The following RRP1 variants were observed in gnomAD, a reference collection of about 807,000 sequenced individuals.
RRP1 encodes ribosomal RNA processing 1, also known as ribosomal RNA processing protein 1 homolog A.
RRP1 carries 37 observed loss-of-function variants against 54.6 expected under a neutral mutation model. The observed-to-expected ratio is 0.68, with a 90% CI of 0.52 to 0.89. The LOEUF (loss-of-function observed/expected upper bound fraction) is 0.89. Ranked by LOEUF, RRP1 falls within the 40% of genes least tolerant of loss-of-function variation. The probability of loss-of-function intolerance (pLI) is 0.00; values close to 1 mark genes in which losing one functional copy is unlikely to be tolerated. For synonymous variants in RRP1, 262 were observed against 244.3 expected, an observed-to-expected ratio of 1.07 and a Z score of -0.67; for missense variants, 639 against 612.5, an observed-to-expected ratio of 1.04 and a Z score of -0.46.
intron 10 of RRP1, 59 bp downstream of exon 10, chr21:43,800,673 C>A: frequency 6.4e-7 from 1 of 1,574,282 alleles, no homozygotes; most frequent in South Asian, 1.1e-5. Context: ...CTTTCTTGCT[C>A]AGATCTGGGT....
chr21:43,803,834 A>T lies in RRP1; in HGVS notation c.*60A>T. 6.7e-7 allele frequency: 1 copy of T among 1,487,546 alleles called. No individual in the cohort carries two copies. The highest frequency in any genetic ancestry group is 9.0e-7 in the Non-Finnish European group (1 of 1,112,594). The allele number at this position is 1,487,546 out of a possible 1,614,324, so 92.1% of individuals were successfully genotyped here. A position where few individuals can be genotyped will look rare whatever the true frequency, so the allele number is the denominator to read the frequency against. ...CAGGCCTCGCTTGCACCGCGGGACG[A>T]GGCTGACCGGGCTGTTCTGTAGACT... On this transcript the variant is annotated 3_prime_UTR_variant, in exon 13 of 13. Transcript: ENST00000497547.
In RRP1 at chr21:43,800,280, C is replaced by G. The variant is rs558997114; in HGVS notation, c.892-237C>G. 1.2e-4 allele frequency among the ~76,000 whole-genome samples: 18 copies of G among 152,210 alleles called. No homozygotes were observed. The South Asian group carries it at 3.3e-3, about 28-fold the overall frequency. On this transcript the variant is annotated intron_variant, in intron 9 of 12. Coordinates refer to ENST00000497547, the MANE Select transcript of RRP1 (RefSeq NM_003683.6). ...CAGTGTGCCCCGCAGTGTGCATCTT[C>G]CAGAGTGTGCCCCGCAGTGCGTGCC...
Position 43,789,738 on chromosome 21 carries a change from G to C in RRP1, c.109G>C (p.Val37Leu), listed in dbSNP as rs1421965956. ...GGTGAGGAAGCTCCGGAAATACATC[G>C]TCGCCAGGACTCAGCGGGCCGCAGG... ...RAVRKLRKYI[V>L]ARTQRAAGGF... Residue 37 changes from valine (V) to leucine (L), a missense_variant, in exon 1 of 13, where the codon GTC (valine) becomes CTC (leucine). Coordinates refer to ENST00000497547, the MANE Select transcript of RRP1 (RefSeq NM_003683.6). 2.0e-6 allele frequency: 3 copies of C among 1,536,588 alleles called. No homozygotes were observed. The highest frequency in any genetic ancestry group is 2.6e-6 in the Non-Finnish European group (3 of 1,141,106).
intron 4 of RRP1, 105 bp from the exon 5 acceptor site, chr21:43,795,084 C>A: frequency 8.9e-7 from 1 of 1,119,876 alleles, no homozygotes; most frequent in Non-Finnish European, 1.4e-6. Context: ...CAGAGGTCAC[C>A]ACGGCCATGA....
In RRP1 at chr21:43,803,701, G is replaced by C. The variant is rs763607317; in HGVS notation, c.1313G>C (p.Arg438Pro). Reference sequence around the variant, plus strand: ...GCTCGCCAGAGAAGGAGGACACCTCGGCCCCTGACCAGTGCCCGAGCAAAG... The same window carrying C: ...GCTCGCCAGAGAAGGAGGACACCTCCGCCCCTGACCAGTGCCCGAGCAAAG... ...RGARQRRRTPRPLTSARAKAA... is the reference protein window; with the variant it reads ...RGARQRRRTPPPLTSARAKAA... The change falls in exon 13 of 13, where the codon CGG becomes CCG. Residue 438 changes from arginine to proline, a missense_variant. Transcript: ENST00000497547. 2.6e-6 allele frequency: 4 copies of C among 1,556,050 alleles called. No homozygotes were observed. The highest frequency in any genetic ancestry group is 3.5e-6 in the Non-Finnish European group (4 of 1,150,278).
rs1327278262 is a variant in RRP1, at chr21:43,789,690, G to A, written c.61G>A (p.Glu21Lys). Residue 21 changes from glutamate (E) to lysine (K), a missense_variant, in exon 1 of 13, where the codon GAG becomes AAG. Physicochemically the swap from Glu to Lys is moderately conservative, Grantham distance 56 (BLOSUM62 1). Coordinates refer to ENST00000497547, the MANE Select transcript of RRP1 (RefSeq NM_003683.6). ...IQLAQRLAGN[E>K]QVTRDRAVRK... ...GCTGGCTCAGCGCCTGGCGGGGAATGAGCAGGTGACCCGGGACCGGGCGGT... is the reference window on the plus strand; with the variant it reads ...GCTGGCTCAGCGCCTGGCGGGGAATAAGCAGGTGACCCGGGACCGGGCGGT... The A allele has an allele frequency of 4.5e-6, 7 of 1,565,502 alleles. No homozygotes were observed. The highest frequency in any genetic ancestry group is 6.1e-6 in the Non-Finnish European group (7 of 1,156,556).
At chr21:43,797,260 T>G in intron 5 of RRP1, 162 bp from the exon 6 acceptor site, 4 of 1,231,452 alleles carry the variant, frequency 3.2e-6, no homozygotes, top group Non-Finnish European at 3.3e-6. Flanking sequence ...CCTAGGATCG[T>G]TGATATCATC....
chr21:43,795,327 C>A, intron 5 of RRP1, 77 bp downstream of exon 5: 1 of 1,394,642 alleles, frequency 7.2e-7, no homozygotes, highest in Non-Finnish European at 1.0e-6. Context: ...TGATTCTTTG[C>A]CATAAGGAGA....
intron 2 of RRP1, among the ~76,000 whole-genome samples, chr21:43,792,237 C>T (rs147097502): frequency 2.0e-5 from 3 of 152,300 alleles, no homozygotes; most frequent in East Asian, 1.9e-4. Context: ...GTATTCTGGG[C>T]GATGGCTGGC....
intron 4 of RRP1, among the ~76,000 whole-genome samples, chr21:43,794,893 A>G (rs1392224865): frequency 1.3e-5 from 2 of 152,038 alleles, no homozygotes; most frequent in Non-Finnish European, 2.9e-5. Flanking sequence ...CGGTTTATGG[A>G]CTGGAGTCGT....
Position 43,800,876 on chromosome 21 carries a change from C to G in RRP1, c.1004C>G (p.Ala335Gly). Reference sequence around the variant, plus strand: ...TACTCTTTCAGGCTGCAGGACCTGGCAGGAGGTGAGGATCGGCCGGGCACT... The same window carrying G: ...TACTCTTTCAGGCTGCAGGACCTGGGAGGAGGTGAGGATCGGCCGGGCACT... ...YKVIRKLQDL[A>G]GGIFPEDEIP... The change falls in exon 11 of 13, where the codon GCA becomes GGA. Residue 335 changes from alanine (A) to glycine (G), a missense_variant. Transcript: ENST00000497547. The G allele has an allele frequency of 6.2e-7, 1 of 1,613,778 alleles. No homozygotes were observed. Among genetic ancestry groups the G allele is most frequent in the Non-Finnish European group, 8.5e-7 (1 of 1,180,028 alleles).
At position 43,797,639 on chromosome 21, in the gene RRP1, A is replaced by G; in HGVS notation, c.561A>G (p.Ala187=). 1 of 1,614,208 alleles carries G rather than the reference A, an allele frequency of 6.2e-7. No individual in the cohort carries two copies. The highest frequency in any genetic ancestry group is 8.5e-7 in the Non-Finnish European group (1 of 1,180,042). The stretch of plus-strand genomic sequence containing the variant: ...GCTGGCTTTCCCCGTAGCTTACGGC[A>G]GACCAGAACCTGAAGTTCATCGACC... The part of the protein sequence containing the change: ...LTKVGAEELT[A]DQNLKFIDPF... Residue 187 remains alanine, a synonymous_variant, in exon 7 of 13, where the codon GCA becomes GCG. Transcript: ENST00000497547.
At chr21:43,800,485 C>T (rs755665652) in intron 9 of RRP1, 32 bp from the exon 10 acceptor site, 2 of 1,607,280 alleles carry the variant, frequency 1.2e-6, no homozygotes, top group Non-Finnish European at 1.7e-6. Flanking sequence ...CGTGGCTGAC[C>T]TTGCCTCTGT....
In RRP1 at chr21:43,803,661, C is replaced by T. The variant is rs957955295; in HGVS notation, c.1273C>T (p.Arg425Cys). 26 of 1,551,654 alleles carry T rather than the reference C, an allele frequency of 1.7e-5. No homozygotes were observed. The highest frequency in any genetic ancestry group is 1.2e-4 in the East Asian group (5 of 41,108). The part of the protein sequence containing the change: ...RALLRDQPRG[R>C]GQRGARQRRR... ...CCTGCTCCGAGATCAGCCCAGGGGC[C>T]GTGGCCAGAGAGGGGCTCGCCAGAG... The change falls in exon 13 of 13, where the codon CGT becomes TGT. Residue 425 changes from arginine to cysteine, a missense_variant. Transcript: ENST00000497547.
chr21:43,790,932 C>T lies in RRP1; in HGVS notation c.134-418C>T, dbSNP rs1271120986. ...CTCTCGTAGTCTGAATGCCTGAGTT[C>T]ACTTTCTTCTTTTAGTATTTGAGAT... On this transcript the variant is annotated intron_variant, in intron 1 of 12. Coordinates refer to ENST00000497547, the MANE Select transcript of RRP1 (RefSeq NM_003683.6). 35 of 449,176 alleles carry T rather than the reference C, an allele frequency of 7.8e-5. No homozygotes were observed. In the East Asian group the frequency reaches 2.4e-3, roughly 31 times the overall value. 27.8% of individuals were successfully genotyped at this position (449,176 alleles called of 1,614,324 possible).
In RRP1 at chr21:43,789,602, G is replaced by C; in HGVS notation, c.-28G>C. ...AGTGTGCTGGGTACCAGGCGACTCC[G>C]GGACAGGGGGTCTCGGCCGTCGGCG... On this transcript the variant is annotated 5_prime_UTR_variant, in exon 1 of 13. Transcript: ENST00000497547. 3.8e-6 allele frequency: 6 copies of C among 1,580,868 alleles called. No homozygotes were observed. Among genetic ancestry groups the C allele is most frequent in the African/African-American group, 1.4e-5 (1 of 72,594 alleles).
intron 8 of RRP1, among the ~76,000 whole-genome samples, chr21:43,798,653 G>A (rs899572176): frequency 4.6e-5 from 7 of 152,064 alleles, no homozygotes; most frequent in African/African-American, 1.7e-4. Context: ...TGTGCAGTGT[G>A]TGTGAGGGGC....
At chr21:43,802,243 A>C (rs1451940305) in intron 11 of RRP1, 31 bp from the exon 12 acceptor site, 1 of 1,545,298 alleles carries the variant, frequency 6.5e-7, no homozygotes, top group African/African-American at 1.4e-5. Flanking sequence ...CCAGCCCCCG[A>C]GAGCCCCCTG....
rs947947393 is a variant in RRP1, at chr21:43,803,717, C to G, written c.1329C>G (p.Ala443=). ...RRRTPRPLTS[A]RAKAANVQEP... ...GGACACCTCGGCCCCTGACCAGTGCCCGAGCAAAGGCGGCCAATGTCCAGG... is the reference window on the plus strand; with the variant it reads ...GGACACCTCGGCCCCTGACCAGTGCGCGAGCAAAGGCGGCCAATGTCCAGG... The change falls in exon 13 of 13, where the codon GCC becomes GCG. Residue 443 remains alanine, a synonymous_variant. Coordinates refer to ENST00000497547, the MANE Select transcript of RRP1 (RefSeq NM_003683.6). 1.1e-5 allele frequency: 17 copies of G among 1,563,682 alleles called. No homozygotes were observed. The African/African-American group carries it at 2.3e-4, about 21-fold the overall frequency.
Sources: gnomAD v4.1 joint callset for allele counts (sites outside exome capture counted in the v4.1 genomes callset) on GRCh38, gnomAD v4.1.1 for gene constraint, MANE v1.5 for transcripts, NCBI Gene and HGNC (gene_info 2026-07-23, HGNC 2026-07-21) for gene names.